DNAJC7: variants seen among roughly 807,000 people sequenced by gnomAD.
DNAJC7 encodes dnaJ homolog subfamily C member 7.
In DNAJC7, 18 loss-of-function variants were observed where a neutral mutation model predicts 67.4. The ratio of observed to expected loss-of-function variants is 0.27; its 90% confidence interval spans 0.18 to 0.40. DNAJC7 has a LOEUF of 0.40. Among genes scored for constraint, DNAJC7 ranks in the 10% least tolerant of loss-of-function variants. The probability of loss-of-function intolerance (pLI) is 1.00; values close to 1 mark genes in which losing one functional copy is unlikely to be tolerated. For synonymous variants in DNAJC7, 220 were observed against 207.8 expected, an observed-to-expected ratio of 1.06 and a Z score of -0.50; for missense variants, 419 against 613.8, an observed-to-expected ratio of 0.68 and a Z score of 3.35.
chr17:41,997,925 T>TG (rs2051704480), intron 2 of DNAJC7, among the ~76,000 whole-genome samples: 1 of 152,150 alleles, frequency 6.6e-6, no homozygotes, highest in Admixed American at 6.5e-5. Context: ...TGCAGTGGTA[T>TG]GATCTCTGCT....
intron 13 of DNAJC7, chr17:41,976,999 G>A: frequency 1.6e-6 from 1 of 643,688 alleles, no homozygotes; most frequent in African/African-American, 1.8e-5. Context: ...CTTTGCTCTT[G>A]CAGAGAAGCC....
chr17:41,981,561 C>CT (rs2051252249), intron 12 of DNAJC7: 1 of 294,700 alleles, frequency 3.4e-6, no homozygotes, highest in African/African-American at 2.2e-5. Context: ...AACTCCTGAC[C>CT]TCAAGTGATC....
chr17:42,015,710 C>T (rs888972886), intron 1 of DNAJC7: 1 of 151,736 alleles, frequency 6.6e-6, no homozygotes, highest in African/African-American at 2.4e-5. Flanking sequence ...AACAATTAGC[C>T]GGATGTGGTG....
intron 12 of DNAJC7, among the ~76,000 whole-genome samples, chr17:41,981,282 C>T (rs1428397096): frequency 4.6e-5 from 7 of 152,026 alleles, no homozygotes; most frequent in African/African-American, 1.5e-4. Flanking sequence ...CTGCAACCTC[C>T]GCCTCCTGGG....
chr17:41,978,656 G>A (rs1475622193), intron 12 of DNAJC7, among the ~76,000 whole-genome samples: 2 of 151,890 alleles, frequency 1.3e-5, no homozygotes, highest in East Asian at 1.9e-4. Context: ...TCAGGAGATC[G>A]AGATCATCCT....
At chr17:42,010,190 G>T (rs1436664507) in intron 1 of DNAJC7, among the ~76,000 whole-genome samples, 1 of 145,706 alleles carries the variant, frequency 6.9e-6, no homozygotes, top group African/African-American at 2.5e-5. Context: ...GAAAGAAAGA[G>T]GCTACTTCCT....
chr17:42,007,958 G>A (rs2052014447), intron 1 of DNAJC7, among the ~76,000 whole-genome samples: 1 of 145,684 alleles, frequency 6.9e-6, no homozygotes, highest in South Asian at 2.1e-4. Context: ...TGATTCTCCT[G>A]TCTCAGCCTC....
Position 41,997,279 on chromosome 17 carries a change from C to G in DNAJC7, c.167-40G>C, listed in dbSNP as rs200575922. Reference sequence around the variant, plus strand: ...GAAGAACGTAAAACAAAGTTTAGAACAGGTCCCTGCTTTGAAAACTTAGAG... The same window carrying G: ...GAAGAACGTAAAACAAAGTTTAGAAGAGGTCCCTGCTTTGAAAACTTAGAG... On this transcript the variant is annotated intron_variant, in intron 2 of 13. Transcript: ENST00000457167. 2.2e-5 allele frequency: 35 copies of G among 1,597,570 alleles called. No individual in the cohort carries two copies. The East Asian group carries it at 5.4e-4, about 25-fold the overall frequency.
intron 3 of DNAJC7, 136 bp from the exon 4 acceptor site, chr17:41,996,560 G>A (rs2051664426): frequency 6.0e-6 from 4 of 670,226 alleles, no homozygotes; most frequent in Non-Finnish European, 9.9e-6. Flanking sequence ...CCAGCACTTT[G>A]GGAAGCTGAG....
chr17:41,980,415 G>A (rs1421852492), intron 12 of DNAJC7, among the ~76,000 whole-genome samples: 1 of 151,228 alleles, frequency 6.6e-6, no homozygotes, highest in Non-Finnish European at 1.5e-5. Context: ...AGATGGAGTC[G>A]CACTCTGTAA....
At chr17:42,000,603 T>C in intron 1 of DNAJC7, 33 bp from the exon 2 acceptor site, 2 of 1,528,314 alleles carry the variant, frequency 1.3e-6, no homozygotes, top group South Asian at 1.1e-5. Flanking sequence ...ATCATGTTAC[T>C]TTACAAAGGG....
In DNAJC7 at chr17:41,997,226, T is replaced by C; in HGVS notation, c.180A>G (p.Lys60=). Residue 60 remains lysine (K), a synonymous_variant, in exon 3 of 14, where the codon AAA becomes AAG. Transcript: ENST00000457167. ...YYTKAIDMCP[K]NASYYGNRAA... Reference sequence around the variant, plus strand: ...CTCGATTACCATAATAGCTAGCATTTTTAGGACACATATCTATAGGAAAGG... The same window carrying C: ...CTCGATTACCATAATAGCTAGCATTCTTAGGACACATATCTATAGGAAAGG... The C allele has an allele frequency of 6.2e-7, 1 of 1,613,710 alleles. No individual in the cohort carries two copies. The highest frequency in any genetic ancestry group is 1.1e-5 in the South Asian group (1 of 91,038).
At chr17:41,986,232 G>A (rs1298134682) in intron 9 of DNAJC7, among the ~76,000 whole-genome samples, 1 of 151,878 alleles carries the variant, frequency 6.6e-6, no homozygotes, top group Admixed American at 6.6e-5. Flanking sequence ...TGGGTGTGGT[G>A]ACATGCGCCG....
intron 10 of DNAJC7, 32 bp downstream of exon 10, chr17:41,983,531 G>A: frequency 1.3e-6 from 2 of 1,549,270 alleles, no homozygotes; most frequent in Non-Finnish European, 1.8e-6. Flanking sequence ...AGTCCACACA[G>A]TTCCCTAAAA....
At chr17:41,985,964 C>T (rs782004293) in intron 9 of DNAJC7, 3 of 139,926 alleles carry the variant, frequency 2.1e-5, no homozygotes, top group Non-Finnish European at 4.6e-5. Context: ...TCATTTCTTG[C>T]ACATAAACAA....
At position 41,997,170 on chromosome 17, in the gene DNAJC7, C is replaced by T. The variant is rs781945217; in HGVS notation, c.236G>A (p.Arg79Gln). 1.5e-5 allele frequency: 25 copies of T among 1,613,812 alleles called. No individual in the cohort carries two copies. Among genetic ancestry groups the T allele is most frequent in the Non-Finnish European group, 1.4e-5 (16 of 1,179,872 alleles). ...CTGTTGTGCATCTCCAAGAGCTTCCCGGAACCTTCCAAGCATCATCAAGGT... is the reference window on the plus strand; with the variant it reads ...CTGTTGTGCATCTCCAAGAGCTTCCTGGAACCTTCCAAGCATCATCAAGGT... ...AATLMMLGRF[R>Q]EALGDAQQSV... The change falls in exon 3 of 14, where the codon CGG becomes CAG. Residue 79 changes from arginine (R) to glutamine (Q), a missense_variant. Physicochemically the swap from Arg to Gln is conservative, Grantham distance 43 (BLOSUM62 1). Transcript: ENST00000457167.
intron 2 of DNAJC7, 32 bp downstream of exon 2, chr17:42,000,450 G>C (rs782807789): frequency 2.0e-6 from 3 of 1,519,526 alleles, no homozygotes; most frequent in Non-Finnish European, 2.7e-6. Flanking sequence ...GCAAGTAAAT[G>C]TTTTCTAGCG....
chr17:42,016,833 C>T (rs1381912197), intron 1 of DNAJC7: 2 of 532,278 alleles, frequency 3.8e-6, no homozygotes, highest in East Asian at 1.4e-4. Flanking sequence ...CCGGGGGCAA[C>T]CAGGTCAATT....
chr17:41,977,425 TG>T, intron 12 of DNAJC7, 102 bp from the exon 13 acceptor site: 2 of 1,097,590 alleles, frequency 1.8e-6, no homozygotes, highest in South Asian at 1.5e-5. Flanking sequence ...AAAGCTTTCC[TG>T]GAGAGTCTCA....
Sources: gnomAD v4.1 joint callset for allele counts (sites outside exome capture counted in the v4.1 genomes callset) on GRCh38, gnomAD v4.1.1 for gene constraint, MANE v1.5 for transcripts, NCBI Gene and HGNC (gene_info 2026-07-23, HGNC 2026-07-21) for gene names.